The following ZNF622 variants were observed in gnomAD, a reference collection of about 807,000 sequenced individuals.
ZNF622 encodes the protein cytoplasmic 60S subunit biogenesis factor ZNF622.
A neutral mutation model predicts 49.7 loss-of-function variants in ZNF622; 34 were observed. The observed-to-expected ratio is 0.68, with a 90% confidence interval of 0.52 to 0.91. The LOEUF is 0.91. Among genes scored for constraint, ZNF622 ranks in the 40% least tolerant of loss-of-function variants. The pLI, the probability that ZNF622 is intolerant of heterozygous loss-of-function variation, is 0.00. For missense variants in ZNF622, 569 were observed against 616.4 expected (o/e 0.92, Z 0.81); for synonymous variants, 209 against 228.7 (o/e 0.91, Z 0.78).
rs1002797209 is a variant in ZNF622 at position 16,465,349 on chromosome 5, A to C, written c.317T>G (p.Val106Gly). 5.0e-6 allele frequency: 8 copies of C among 1,613,952 alleles called. No individual in the cohort carries two copies. Among genetic ancestry groups the C allele is most frequent in the Non-Finnish European group, 5.9e-6 (7 of 1,179,964 alleles). The change falls in exon 1 of 6, where the codon GTG becomes GGG. Residue 106 changes from valine (V) to glycine (G), a missense_variant. Physicochemically the swap from Val to Gly is moderately radical, Grantham distance 109 (BLOSUM62 -3). Coordinates refer to ENST00000308683, the MANE Select transcript of ZNF622 (RefSeq NM_033414.3). The surrounding 1 kb of genome is among the most constrained non-coding windows in gnomAD (Gnocchi z 6.2). ...CAAGTTCTTTTCATTCATCATCTCC[A>C]CTTTCCGATTCACTGCCTGCACGGC... ...KKAVQAVNRK[V>G]EMMNEKNLEK...
At chr5:16,464,901 A>G (rs1422331427) in intron 1 of ZNF622, 140 bp downstream of exon 1, 28 of 1,262,980 alleles carry the variant, frequency 2.2e-5, no homozygotes, top group Non-Finnish European at 3.0e-5. Context: ...GCACTTCAGA[A>G]AGCGTCTAAA....
At chr5:16,453,608 A>C (rs866897741) in intron 4 of ZNF622, among the ~76,000 whole-genome samples, 38 of 128,044 alleles carry the variant, frequency 3.0e-4, no homozygotes, top group African/African-American at 1.1e-3. Flanking sequence ...TATATGAAGA[A>C]GATTAAGCAC....
At chr5:16,457,179 T>C (rs1738040239) in intron 4 of ZNF622, among the ~76,000 whole-genome samples, 1 of 152,206 alleles carries the variant, frequency 6.6e-6, no homozygotes, top group Admixed American at 6.5e-5. Context: ...TTGTAATATA[T>C]TGTGCTAAAG....
chr5:16,464,093 A>C (rs1478619381), intron 1 of ZNF622, among the ~76,000 whole-genome samples: 1 of 152,188 alleles, frequency 6.6e-6, no homozygotes, highest in Non-Finnish European at 1.5e-5. Context: ...CTACTATTTC[A>C]CAAAAGTACT....
At position 16,465,263 on chromosome 5, in the gene ZNF622, C is replaced by G; in HGVS notation, c.403G>C (p.Ala135Pro). ...KDAMNAAIQQ[A>P]IKAQPSMSPK... ...GACATGGACGGCTGGGCCTTGATGGCCTGCTGGATGGCCGCGTTCATGGCA... is the reference window on the plus strand; with the variant it reads ...GACATGGACGGCTGGGCCTTGATGGGCTGCTGGATGGCCGCGTTCATGGCA... Residue 135 changes from alanine (A) to proline (P), a missense_variant, in exon 1 of 6, where the codon GCC becomes CCC. By Grantham distance (27) the Ala-to-Pro change is conservative (BLOSUM62 -1). Coordinates refer to ENST00000308683, the MANE Select transcript of ZNF622 (RefSeq NM_033414.3). This position sits in a 1 kb window ranked among gnomAD's most constrained non-coding sequence, Gnocchi z 6.2. 2 of 1,614,246 alleles carry G rather than the reference C, an allele frequency of 1.2e-6. No individual in the cohort carries two copies. The highest frequency in any genetic ancestry group is 1.7e-6 in the Non-Finnish European group (2 of 1,180,028).
Position 16,463,074 on chromosome 5 carries a change from C to T in ZNF622, c.1049+34G>A. ...AATAATCACTTCAAAGCAAATATGA[C>T]CTCACTTTACTTCATATTACAAACT... On this transcript the variant is annotated intron_variant, in intron 3 of 5. Coordinates refer to ENST00000308683, the MANE Select transcript of ZNF622 (RefSeq NM_033414.3). The surrounding 1 kb of genome is among the most constrained non-coding windows in gnomAD (Gnocchi z 4.2). 6.3e-7 allele frequency: 1 copy of T among 1,586,750 alleles called. No individual in the cohort carries two copies. Among genetic ancestry groups the T allele is most frequent in the South Asian group, 1.2e-5 (1 of 86,182 alleles).
Position 16,465,169 on chromosome 5 carries a change from C to T in ZNF622, c.497G>A (p.Arg166His). 2.5e-6 allele frequency: 4 copies of T among 1,614,202 alleles called. No individual in the cohort carries two copies. The highest frequency in any genetic ancestry group is 3.4e-6 in the Non-Finnish European group (4 of 1,180,026). ...ACTCGGGTCTCGGTCGTGGGTCCCACGGCCACCAGTACCCACGGCCACGAC... is the reference window on the plus strand; with the variant it reads ...ACTCGGGTCTCGGTCGTGGGTCCCATGGCCACCAGTACCCACGGCCACGAC... ...RNVVAVGTGGRGTHDRDPSEK... is the reference protein window; with the variant it reads ...RNVVAVGTGGHGTHDRDPSEK... Residue 166 changes from arginine to histidine, a missense_variant, in exon 1 of 6, where the codon CGT becomes CAT. By Grantham distance (29) the Arg-to-His change is conservative. Coordinates refer to ENST00000308683, the MANE Select transcript of ZNF622 (RefSeq NM_033414.3). The surrounding 1 kb of genome is among the most constrained non-coding windows in gnomAD (Gnocchi z 6.2).
chr5:16,465,509 C>T lies in ZNF622; in HGVS notation c.157G>A (p.Ala53Thr). 2 of 1,614,156 alleles carry T rather than the reference C, an allele frequency of 1.2e-6. No individual in the cohort carries two copies. Among genetic ancestry groups the T allele is most frequent in the Non-Finnish European group, 1.7e-6 (2 of 1,180,022 alleles). Residue 53 changes from alanine (A) to threonine (T), a missense_variant, in exon 1 of 6, where the codon GCG becomes ACG. Coordinates refer to ENST00000308683, the MANE Select transcript of ZNF622 (RefSeq NM_033414.3). This position sits in a 1 kb window ranked among gnomAD's most constrained non-coding sequence, Gnocchi z 6.2. ...TCCTCCTCCGCGACGGCCCGCTGCG[C>T]CCGCACTCGCTCCTGGAAGCCCTCG... Reference protein sequence around the residue: ...TAEGFQERVRAQRAVAEEESK... With the variant: ...TAEGFQERVRTQRAVAEEESK...
intron 4 of ZNF622, among the ~76,000 whole-genome samples, chr5:16,454,216 G>A (rs1005850732): frequency 1.3e-5 from 2 of 151,986 alleles, no homozygotes; most frequent in Non-Finnish European, 2.9e-5. Context: ...GGCCGGGTGC[G>A]GTGGCTCACG....
intron 4 of ZNF622, among the ~76,000 whole-genome samples, chr5:16,456,495 T>C (rs1024004614): frequency 6.6e-6 from 1 of 152,144 alleles, no homozygotes. Context: ...TAACTAGATT[T>C]AGTGTCCCAG....
chr5:16,465,253 G>A lies in ZNF622; in HGVS notation c.413C>T (p.Ala138Val). Residue 138 changes from alanine (A) to valine (V), a missense_variant, in exon 1 of 6, where the codon GCC becomes GTC. Ala to Val is a moderately conservative substitution (Grantham distance 64). Transcript: ENST00000308683. The surrounding 1 kb of genome is among the most constrained non-coding windows in gnomAD (Gnocchi z 6.2). ...CTTCTTGGGAGACATGGACGGCTGG[G>A]CCTTGATGGCCTGCTGGATGGCCGC... is the stretch of plus-strand genomic sequence containing the variant. Reference protein sequence around the residue: ...MNAAIQQAIKAQPSMSPKKAP... With the variant: ...MNAAIQQAIKVQPSMSPKKAP... The A allele has an allele frequency of 6.2e-7, 1 of 1,614,222 alleles. No individual in the cohort carries two copies. The highest frequency in any genetic ancestry group is 2.2e-5 in the East Asian group (1 of 44,890).
At position 16,463,132 on chromosome 5, in the gene ZNF622, TC is replaced by T; in HGVS notation, c.1024del (p.Glu342AsnfsTer42). The T allele has an allele frequency of 6.2e-7, 1 of 1,610,296 alleles. No homozygotes were observed. Among genetic ancestry groups the T allele is most frequent in the Non-Finnish European group, 8.5e-7 (1 of 1,179,212 alleles). ...KLFTDGDAAL[E>X]FADFYDFRSS... ...CCTAAAATCATAGAAGTCTGCAAATTCCAAAGCAGCATCGCCATCTGTGAAG... is the reference window on the plus strand; with the variant it reads ...CCTAAAATCATAGAAGTCTGCAAATTCAAAGCAGCATCGCCATCTGTGAAG... On this transcript the variant is annotated frameshift_variant, in exon 3 of 6. Transcript: ENST00000308683. LOFTEE classifies it high-confidence loss of function. This position sits in a 1 kb window ranked among gnomAD's most constrained non-coding sequence, Gnocchi z 4.2.
In ZNF622 at chr5:16,465,537, G is replaced by C; in HGVS notation, c.129C>G (p.Thr43=). ...GCACTCGCTCCTGGAAGCCCTCGGC[G>C]GTCACTGGGGCCATGCTGGCCACCT... The part of the protein sequence containing the change: ...RRKVASMAPV[T]AEGFQERVRA... Residue 43 remains threonine, a synonymous_variant, in exon 1 of 6, where the codon ACC becomes ACG. Coordinates refer to ENST00000308683, the MANE Select transcript of ZNF622 (RefSeq NM_033414.3). The surrounding 1 kb of genome is among the most constrained non-coding windows in gnomAD (Gnocchi z 6.2). 1 of 1,613,888 alleles carries C rather than the reference G, an allele frequency of 6.2e-7. No homozygotes were observed.
At chr5:16,462,443 C>T (rs1423867639) in intron 3 of ZNF622, among the ~76,000 whole-genome samples, 1 of 152,124 alleles carries the variant, frequency 6.6e-6, no homozygotes, top group Non-Finnish European at 1.5e-5. Flanking sequence ...GGGTGGATCA[C>T]TTGGGTCTAG....
At chr5:16,459,188 T>C (rs1281791829) in intron 3 of ZNF622, among the ~76,000 whole-genome samples, 1 of 152,218 alleles carries the variant, frequency 6.6e-6, no homozygotes, top group Non-Finnish European at 1.5e-5. Flanking sequence ...AATCTCTATA[T>C]TCCTAAAAAT....
rs188700011 is a variant in ZNF622 at position 16,462,845 on chromosome 5, G to C, written c.1049+263C>G. The stretch of plus-strand genomic sequence containing the variant: ...TGTTCAAGGGGTAACTGGCAAAACT[G>C]AACTCTTGATGTTTTAACCAGAACA... On this transcript the variant is annotated intron_variant, in intron 3 of 5. Coordinates refer to ENST00000308683, the MANE Select transcript of ZNF622 (RefSeq NM_033414.3). Among the ~76,000 whole-genome samples, 323 of 152,214 alleles carry C rather than the reference G, an allele frequency of 2.1e-3. 2 individuals carry two copies. Among genetic ancestry groups the C allele is most frequent in the African/African-American group, 7.4e-3 (307 of 41,518 alleles).
chr5:16,465,543 TG>T lies in ZNF622; in HGVS notation c.122del (p.Pro41GlnfsTer2). The T allele has an allele frequency of 6.2e-7, 1 of 1,613,880 alleles. No individual in the cohort carries two copies. The highest frequency in any genetic ancestry group is 8.5e-7 in the Non-Finnish European group (1 of 1,179,932). ...GCTCCTGGAAGCCCTCGGCGGTCAC[TG>T]GGGCCATGCTGGCCACCTTCCGCCG... ...NLRRKVASMA[P>X]VTAEGFQERV... On this transcript the variant is annotated frameshift_variant, in exon 1 of 6. Transcript: ENST00000308683. LOFTEE classifies it high-confidence loss of function. The surrounding 1 kb of genome is among the most constrained non-coding windows in gnomAD (Gnocchi z 6.2).
At position 16,463,205 on chromosome 5, in the gene ZNF622, T is replaced by A; in HGVS notation, c.952A>T (p.Thr318Ser). The A allele has an allele frequency of 6.2e-7, 1 of 1,613,910 alleles. No individual in the cohort carries two copies. Among genetic ancestry groups the A allele is most frequent in the African/African-American group, 1.3e-5 (1 of 75,038 alleles). The change falls in exon 3 of 6, where the codon ACA (threonine) becomes TCA (serine). Residue 318 changes from threonine to serine, a missense_variant. Thr to Ser is a moderately conservative substitution (Grantham distance 58, BLOSUM62 1). Transcript: ENST00000308683. This position sits in a 1 kb window ranked among gnomAD's most constrained non-coding sequence, Gnocchi z 4.2. ...CNEKGKSFYS[T>S]EAVQAHMNDK... ...TTCATATGTGCCTGTACAGCTTCTG[T>A]GGAGTAGAAGGACTTCCCTTTCTCG... is the stretch of plus-strand genomic sequence containing the variant.
At chr5:16,454,664 C>T (rs746738025) in intron 4 of ZNF622, among the ~76,000 whole-genome samples, 1 of 152,090 alleles carries the variant, frequency 6.6e-6, no homozygotes, top group African/African-American at 2.4e-5. Context: ...TGGCAAACTA[C>T]AGCCAGAGAA....
Sources: gnomAD v4.1 joint callset for allele counts (sites outside exome capture counted in the v4.1 genomes callset) on GRCh38, gnomAD v4.1.1 for gene constraint, Gnocchi (gnomAD v3.1) non-coding constraint, MANE v1.5 for transcripts, NCBI Gene and HGNC (gene_info 2026-07-23, HGNC 2026-07-21) for gene names.